Variants in SPIB observed in about 807,000 individuals in gnomAD.
SPIB encodes the protein transcription factor Spi-B.
SPIB carries 7 observed loss-of-function variants against 31.9 expected under a neutral mutation model. That is an observed-to-expected ratio of 0.22 (90% CI 0.12 to 0.41). The LOEUF is 0.41. SPIB is among the 10% of genes least tolerant of loss of function. The pLI, the probability that SPIB is intolerant of heterozygous loss-of-function variation, is 1.00. For missense variants in SPIB, 327 were observed against 360.2 expected, an observed-to-expected ratio of 0.91 and a Z score of 0.75; for synonymous variants, 176 against 158.9, an observed-to-expected ratio of 1.11 and a Z score of -0.81.
rs551967011 is a variant in SPIB at position 50,424,143 on chromosome 19, C to A, written c.490+388C>A. On this transcript the variant is annotated intron_variant, in intron 5 of 5. Transcript: ENST00000595883. Reference sequence around the variant, plus strand: ...CCAACGGTTCAACCCTTGCCCCCTGCCCGTGTGCCCAACATCCTTTATGCT... The same window carrying A: ...CCAACGGTTCAACCCTTGCCCCCTGACCGTGTGCCCAACATCCTTTATGCT... Among the ~76,000 whole-genome samples the A allele has an allele frequency of 4.6e-5, 7 of 152,168 alleles. No individual in the cohort carries two copies. In the South Asian group the frequency reaches 1.4e-3, roughly 32 times the overall value.
intron 5 of SPIB, among the ~76,000 whole-genome samples, 180 bp from the exon 6 acceptor site, chr19:50,427,858 G>C (rs958504448): frequency 5.3e-5 from 3 of 56,594 alleles, no homozygotes; most frequent in East Asian, 6.5e-4. Context: ...GGAGTGGCTT[G>C]CCCCCCCCCC....
intron 5 of SPIB, among the ~76,000 whole-genome samples, chr19:50,424,184 T>C (rs1417216156): frequency 2.6e-5 from 4 of 152,122 alleles, no homozygotes; most frequent in African/African-American, 9.7e-5. Flanking sequence ...CCAAGAAAGC[T>C]GAGATCGTTC....
At chr19:50,419,764 A>G in intron 1 of SPIB, 182 bp from the exon 2 acceptor site, 1 of 501,820 alleles carries the variant, frequency 2.0e-6, no homozygotes, top group Non-Finnish European at 3.4e-6. Flanking sequence ...CCTCCCCCCC[A>G]CCCCCCACTT....
chr19:50,420,065 A>C (rs1601259621), intron 2 of SPIB, 92 bp downstream of exon 2: 2 of 1,144,810 alleles, frequency 1.7e-6, no homozygotes, highest in Non-Finnish European at 2.3e-6. Flanking sequence ...TTCCCCTCCC[A>C]CCTCTTCCTG....
chr19:50,421,267 C>T (rs1186494960), intron 2 of SPIB, among the ~76,000 whole-genome samples: 1 of 151,644 alleles, frequency 6.6e-6, no homozygotes, highest in Non-Finnish European at 1.5e-5. Flanking sequence ...TTCCTAGACT[C>T]GAGTTCTTGA....
chr19:50,428,365 C>T lies in SPIB; in HGVS notation c.*29C>T. 1 of 1,508,820 alleles carries T rather than the reference C, an allele frequency of 6.6e-7. No homozygotes were observed. The highest frequency in any genetic ancestry group is 8.9e-7 in the Non-Finnish European group (1 of 1,125,820). 93.5% of individuals were successfully genotyped at this position (1,508,820 alleles called of 1,614,324 possible). A position where few individuals can be genotyped will look rare whatever the true frequency, so the allele number is the denominator to read the frequency against. ...CACCCGAGGCTCCCACCTGCGGAGC[C>T]GCTGGGGGACCTCACGTCCCAGCCA... On this transcript the variant is annotated 3_prime_UTR_variant, in exon 6 of 6. Transcript: ENST00000595883. The surrounding 1 kb of genome is among the most constrained non-coding windows in gnomAD (Gnocchi z 6.5).
At chr19:50,427,858 GCC>G (rs1198149448) in intron 5 of SPIB, among the ~76,000 whole-genome samples, 178 bp from the exon 6 acceptor site, 2,351 of 56,172 alleles carry the variant, frequency 0.042, 48 homozygotes, top group African/African-American at 0.086. Flanking sequence ...GGAGTGGCTT[GCC>G]CCCCCCCCCC....
Position 50,430,117 on chromosome 19 carries a change from T to G in SPIB, c.*1781T>G. The G allele has an allele frequency of 6.6e-6, 1 of 150,946 alleles. No individual in the cohort carries two copies. Among genetic ancestry groups the G allele is most frequent in the Non-Finnish European group, 1.5e-5 (1 of 67,804 alleles). 9.4% of individuals were successfully genotyped at this position (150,946 alleles called of 1,614,324 possible). A position where few individuals can be genotyped will look rare whatever the true frequency, so the allele number is the denominator to read the frequency against. ...CTGGAGAGAGTCGGCCAGTTTTCGG[T>G]GGGGGGTGGGGAGCTGGAACAGGAC... On this transcript the variant is annotated 3_prime_UTR_variant, in exon 6 of 6. Coordinates refer to ENST00000595883, the MANE Select transcript of SPIB (RefSeq NM_003121.5).
intron 5 of SPIB, 130 bp from the exon 6 acceptor site, chr19:50,427,908 G>A (rs1601270363): frequency 2.5e-6 from 2 of 794,894 alleles, no homozygotes; most frequent in South Asian, 3.8e-5. Context: ...GTATGTAACA[G>A]CCACTTCCCT....
intron 5 of SPIB, among the ~76,000 whole-genome samples, chr19:50,425,724 G>A (rs1245582741): frequency 6.6e-6 from 1 of 152,202 alleles, no homozygotes; most frequent in African/African-American, 2.4e-5. Flanking sequence ...TTACAGGCAT[G>A]AGCCACCACA....
In SPIB at chr19:50,420,611, T is replaced by C. The variant is rs1358431057; in HGVS notation, c.51+638T>C. 2.0e-5 allele frequency among the ~76,000 whole-genome samples: 3 copies of C among 152,186 alleles called. No individual in the cohort carries two copies. The East Asian group carries it at 5.8e-4, about 29-fold the overall frequency. The stretch of plus-strand genomic sequence containing the variant: ...ATATTTTCCGCCACCAATTTGTAAT[T>C]TGTTTTGCCTGCTCTTTTTTTTGTT... On this transcript the variant is annotated intron_variant, in intron 2 of 5. Transcript: ENST00000595883.
intron 5 of SPIB, among the ~76,000 whole-genome samples, 175 bp from the exon 6 acceptor site, chr19:50,427,863 C>G (rs1352737769): frequency 9.8e-6 from 1 of 102,404 alleles, no homozygotes; most frequent in Non-Finnish European, 2.3e-5. Context: ...GGCTTGCCCC[C>G]CCCCCCCCCC....
intron 5 of SPIB, among the ~76,000 whole-genome samples, chr19:50,424,146 G>A (rs937046146): frequency 6.6e-5 from 10 of 152,216 alleles, no homozygotes; most frequent in African/African-American, 1.9e-4. Flanking sequence ...CCCCCTGCCC[G>A]TGTGCCCAAC....
intron 5 of SPIB, among the ~76,000 whole-genome samples, chr19:50,426,702 C>T (rs75557930): frequency 0.14 from 20,610 of 151,894 alleles, 1,530 homozygotes; most frequent in Middle Eastern, 0.22. Context: ...ATCATGTTGG[C>T]CAGGCTTGTC....
At chr19:50,423,220 A>AG in intron 4 of SPIB, 183 bp downstream of exon 4, 1 of 460,402 alleles carries the variant, frequency 2.2e-6, no homozygotes, top group Non-Finnish European at 3.8e-6. Context: ...AAAAAAAAAA[A>AG]AAGAAAAAGA....
chr19:50,422,618 G>A (rs542623823), intron 3 of SPIB, 73 bp downstream of exon 3: 2 of 1,527,944 alleles, frequency 1.3e-6, no homozygotes, highest in Non-Finnish European at 1.8e-6. Context: ...AGGCCCAGGG[G>A]AGGTCATTTC....
intron 4 of SPIB, chr19:50,423,260 G>T: frequency 2.2e-6 from 1 of 463,358 alleles, no homozygotes; most frequent in Non-Finnish European, 3.8e-6. Context: ...TCATTTGGTT[G>T]AGGTTTGCTG....
chr19:50,424,130 C>A (rs1371364183), intron 5 of SPIB, among the ~76,000 whole-genome samples: 1 of 152,178 alleles, frequency 6.6e-6, no homozygotes, highest in Non-Finnish European at 1.5e-5. Context: ...AACGGTTCAA[C>A]CCTTGCCCCC....
intron 2 of SPIB, among the ~76,000 whole-genome samples, chr19:50,420,399 T>TG (rs1415442868): frequency 2.0e-5 from 3 of 148,886 alleles, no homozygotes; most frequent in Non-Finnish European, 4.5e-5. Flanking sequence ...ACCCCAGCCA[T>TG]GTTTTTTTTG....
Sources: gnomAD v4.1 joint callset for allele counts (sites outside exome capture counted in the v4.1 genomes callset) on GRCh38, gnomAD v4.1.1 for gene constraint, Gnocchi (gnomAD v3.1) non-coding constraint, MANE v1.5 for transcripts, NCBI Gene and HGNC (gene_info 2026-07-23, HGNC 2026-07-21) for gene names.